DOCK7: variants seen among roughly 807,000 people sequenced by gnomAD.
DOCK7 encodes dedicator of cytokinesis protein 7.
DOCK7 carries 138 observed loss-of-function variants against 271.0 expected under a neutral mutation model. The ratio of observed to expected loss-of-function variants is 0.51; its 90% CI spans 0.44 to 0.59. The LOEUF is 0.59. DOCK7 is among the 20% of genes least tolerant of loss of function. The pLI is 0.00. For synonymous variants in DOCK7, 823 were observed against 876.1 expected (o/e 0.94, Z 1.07); for missense variants, 2,066 against 2,592.4 (o/e 0.80, Z 4.41).
chr1:62,518,437 G>C (rs1228587934), intron 31 of DOCK7, among the ~76,000 whole-genome samples: 4 of 152,092 alleles, frequency 2.6e-5, no homozygotes, highest in Admixed American at 2.0e-4. Context: ...AGCCAGGCGT[G>C]GTGGCGGGCG....
intron 12 of DOCK7, among the ~76,000 whole-genome samples, chr1:62,620,676 C>T (rs1653080184): frequency 1.3e-5 from 2 of 151,558 alleles, no homozygotes; most frequent in Admixed American, 6.6e-5. Context: ...GTCAGGAGAT[C>T]GAGACCATCC....
chr1:62,487,673 T>C, intron 42 of DOCK7: 1 of 373,780 alleles, frequency 2.7e-6, no homozygotes, highest in South Asian at 4.4e-5. Flanking sequence ...CTTGTTCCAT[T>C]TACATGTTTA....
At chr1:62,587,699 T>C (rs1013203240) in intron 14 of DOCK7, among the ~76,000 whole-genome samples, 1 of 152,154 alleles carries the variant, frequency 6.6e-6, no homozygotes, top group African/African-American at 2.4e-5. Flanking sequence ...CCATATTTAT[T>C]GATGTGGAAA....
intron 7 of DOCK7, among the ~76,000 whole-genome samples, chr1:62,640,819 C>T (rs1655931785): frequency 6.6e-6 from 1 of 152,212 alleles, no homozygotes; most frequent in East Asian, 1.9e-4. Context: ...AGTGTTCCAG[C>T]TCCCTTGTGC....
intron 7 of DOCK7, chr1:62,641,197 T>C (rs1171138881): frequency 5.4e-6 from 2 of 371,948 alleles, no homozygotes; most frequent in East Asian, 7.2e-5. Context: ...CCTGTTTCTA[T>C]AGACTCATGA....
At chr1:62,501,686 T>C (rs1646788997) in intron 37 of DOCK7, among the ~76,000 whole-genome samples, 1 of 152,110 alleles carries the variant, frequency 6.6e-6, no homozygotes, top group Admixed American at 6.5e-5. Flanking sequence ...ATCCCTATGA[T>C]ATTTTAATAT....
intron 48 of DOCK7, among the ~76,000 whole-genome samples, chr1:62,464,943 T>A (rs1343845199): frequency 6.6e-6 from 1 of 152,188 alleles, no homozygotes; most frequent in Non-Finnish European, 1.5e-5. Context: ...CATGAATGCA[T>A]AAAGTATATG....
chr1:62,665,168 T>C (rs1464175380), intron 1 of DOCK7, among the ~76,000 whole-genome samples: 1 of 152,068 alleles, frequency 6.6e-6, no homozygotes, highest in South Asian at 2.1e-4. Context: ...TTTGTATTTT[T>C]AGTAGAGACG....
chr1:62,599,202 C>T lies in DOCK7; in HGVS notation c.1683-12578G>A, dbSNP rs1443716812. ...TTTCACTCATATTGGCTCTTTAGACCAAGATTACCCAACCCTTCGTCATCT... is the reference window on the plus strand; with the variant it reads ...TTTCACTCATATTGGCTCTTTAGACTAAGATTACCCAACCCTTCGTCATCT... On this transcript the variant is annotated intron_variant, in intron 14 of 49. Coordinates refer to ENST00000635253, the MANE Select transcript of DOCK7 (RefSeq NM_001367561.1). Among the ~76,000 whole-genome samples, 8 of 151,970 alleles carry T rather than the reference C, an allele frequency of 5.3e-5. No individual in the cohort carries two copies. The East Asian group carries it at 1.5e-3, about 29-fold the overall frequency.
At chr1:62,513,071 G>T (rs912195013) in intron 33 of DOCK7, among the ~76,000 whole-genome samples, 10 of 150,348 alleles carry the variant, frequency 6.7e-5, no homozygotes, top group African/African-American at 2.0e-4. Flanking sequence ...ATACTAAGGG[G>T]TATATGGGAA....
At chr1:62,578,293 G>A (rs917108281) in intron 17 of DOCK7, among the ~76,000 whole-genome samples, 1 of 152,150 alleles carries the variant, frequency 6.6e-6, no homozygotes, top group African/African-American at 2.4e-5. Flanking sequence ...ACACCCAAGT[G>A]TTTATACGTG....
At chr1:62,489,899 T>C (rs1646408991) in intron 41 of DOCK7, among the ~76,000 whole-genome samples, 1 of 152,068 alleles carries the variant, frequency 6.6e-6, no homozygotes, top group Admixed American at 6.5e-5. Flanking sequence ...CTATTGTAAA[T>C]CTCCTATGGA....
At chr1:62,584,229 A>G (rs1647247227) in intron 15 of DOCK7, 1 of 980,036 alleles carries the variant, frequency 1.0e-6, no homozygotes, top group Admixed American at 6.2e-5. Flanking sequence ...TTTTATTTTA[A>G]GGGTATGTAC....
At chr1:62,610,095 T>C (rs1332792479) in intron 14 of DOCK7, among the ~76,000 whole-genome samples, 2 of 152,120 alleles carry the variant, frequency 1.3e-5, no homozygotes, top group African/African-American at 4.8e-5. Flanking sequence ...GTGATCCGCC[T>C]TCCTCGGCCT....
chr1:62,599,954 A>G lies in DOCK7; in HGVS notation c.1683-13330T>C, dbSNP rs139469184. On this transcript the variant is annotated intron_variant, in intron 14 of 49. Transcript: ENST00000635253. ...AAGAGGATTCAAAAAACATAATATA[A>G]ACTCAGAGAAACTGGTAAACAAAAT... Among the ~76,000 whole-genome samples, 18 of 152,092 alleles carry G rather than the reference A, an allele frequency of 1.2e-4. No homozygotes were observed. In the East Asian group the frequency reaches 3.5e-3, roughly 29 times the overall value.
chr1:62,675,468 T>C (rs529405940), intron 1 of DOCK7, among the ~76,000 whole-genome samples: 1 of 152,012 alleles, frequency 6.6e-6, no homozygotes, highest in African/African-American at 2.4e-5. Flanking sequence ...GATACGTGAG[T>C]GGCTAATAAG....
chr1:62,584,860 G>A (rs1157107659), intron 15 of DOCK7: 2 of 718,162 alleles, frequency 2.8e-6, no homozygotes, highest in Non-Finnish European at 5.2e-6. Context: ...GTCGGTATAG[G>A]ATGGGTGCAG....
intron 7 of DOCK7, among the ~76,000 whole-genome samples, chr1:62,647,225 A>G (rs1656780712): frequency 6.6e-6 from 1 of 152,200 alleles, no homozygotes. Context: ...TAAACATAAC[A>G]CCTCAATGAT....
At chr1:62,587,203 C>A (rs1748187) in intron 14 of DOCK7, among the ~76,000 whole-genome samples, 1 of 148,380 alleles carries the variant, frequency 6.7e-6, no homozygotes, top group East Asian at 2.0e-4. Context: ...TATTTGAATT[C>A]TTGTCCAGCT....
Sources: gnomAD v4.1 joint callset for allele counts (sites outside exome capture counted in the v4.1 genomes callset) on GRCh38, gnomAD v4.1.1 for gene constraint, MANE v1.5 for transcripts, NCBI Gene and HGNC (gene_info 2026-07-23, HGNC 2026-07-21) for gene names.